SLC29A1: variants seen among roughly 807,000 people sequenced by gnomAD.
SLC29A1 encodes the protein equilibrative nucleoside transporter 1.
Under a neutral mutation model 48.3 loss-of-function variants are expected in SLC29A1, and 22 were observed. That is an observed-to-expected ratio of 0.46 (90% confidence interval 0.33 to 0.65). The LOEUF is 0.65. Ranked by LOEUF, SLC29A1 falls within the 30% of genes least tolerant of loss-of-function variation. The pLI is 0.03. For synonymous variants in SLC29A1, 228 were observed against 231.0 expected, an observed-to-expected ratio of 0.99 and a Z score of 0.12; for missense variants, 491 against 575.3, an observed-to-expected ratio of 0.85 and a Z score of 1.50.
rs1038419540 is a variant in SLC29A1, at chr6:44,229,845, C to A, written c.314+54C>A. The A allele has an allele frequency of 1.4e-5, 23 of 1,609,720 alleles. No individual in the cohort carries two copies. The highest frequency in any genetic ancestry group is 1.9e-5 in the Non-Finnish European group (22 of 1,178,084). ...AGCCTGACCCTCACTGTGTCCTGCA[C>A]CCCCTTGGCTGAGCCCCAGCTTTGC... On this transcript the variant is annotated intron_variant, in intron 4 of 12. Transcript: ENST00000371755. The surrounding 1 kb of genome is among the most constrained non-coding windows in gnomAD (Gnocchi z 5.1).
At chr6:44,224,307 G>A (rs1173826139) in intron 1 of SLC29A1, among the ~76,000 whole-genome samples, 2 of 151,614 alleles carry the variant, frequency 1.3e-5, no homozygotes, top group Non-Finnish European at 2.9e-5. Context: ...ACTCCTCTCG[G>A]TGGCCTCCAG....
In SLC29A1 at chr6:44,232,592, A is replaced by AAT. The variant is rs1235259981; in HGVS notation, c.1059+169_1059+170dup. 2 of 641,726 alleles carry AAT rather than the reference A, an allele frequency of 3.1e-6. No individual in the cohort carries two copies. The highest frequency in any genetic ancestry group is 5.4e-6 in the Non-Finnish European group (2 of 368,140). 39.8% of individuals were successfully genotyped at this position (641,726 alleles called of 1,614,324 possible). The stretch of plus-strand genomic sequence containing the variant: ...CAAGTCTTAAGTGTACAACTTAATG[A>AAT]ATATATGTATATACACATACCTGCC... On this transcript the variant is annotated intron_variant, in intron 11 of 12. Coordinates refer to ENST00000371755, the MANE Select transcript of SLC29A1 (RefSeq NM_001372327.1). The surrounding 1 kb of genome is among the most constrained non-coding windows in gnomAD (Gnocchi z 4.7).
Position 44,230,410 on chromosome 6 carries a change from C to T in SLC29A1, c.518C>T (p.Thr173Met), listed in dbSNP as rs78261243. Residue 173 changes from threonine to methionine, a missense_variant, in exon 6 of 13, where the codon ACG (threonine) becomes ATG (methionine). By Grantham distance (81) the Thr-to-Met change is moderately conservative. Transcript: ENST00000371755. ...GCTGGCCTTCTGCCTGCCAGCTACA[C>T]GGCCCCCATCATGAGTGGCCAGGGC... Reference protein sequence around the residue: ...GLAGLLPASYTAPIMSGQGLA... With the variant: ...GLAGLLPASYMAPIMSGQGLA... The T allele has an allele frequency of 6.9e-5, 111 of 1,614,058 alleles. No individual in the cohort carries two copies. Among genetic ancestry groups the T allele is most frequent in the Non-Finnish European group, 8.1e-5 (96 of 1,179,956 alleles).
At chr6:44,222,508 C>A (rs938578797), upstream of SLC29A1, among the ~76,000 whole-genome samples, 7 of 152,140 alleles carry the variant, frequency 4.6e-5, no homozygotes, top group East Asian at 3.9e-4. Context: ...GGGGACAAGC[C>A]CTTCGGGTCA....
chr6:44,224,391 C>T (rs971057711), intron 1 of SLC29A1, among the ~76,000 whole-genome samples: 2 of 151,896 alleles, frequency 1.3e-5, no homozygotes, highest in African/African-American at 4.8e-5. Flanking sequence ...GCTGAGCTGC[C>T]TGACACTCAA....
Position 44,229,240 on chromosome 6 carries a change from T to C in SLC29A1, c.30-150T>C. ...GTACCCTTTTCTCCCCCCACACCCATAAGAGGACACATGCAAACGGACACA... is the reference window on the plus strand; with the variant it reads ...GTACCCTTTTCTCCCCCCACACCCACAAGAGGACACATGCAAACGGACACA... On this transcript the variant is annotated intron_variant, in intron 2 of 12. Transcript: ENST00000371755. This position sits in a 1 kb window ranked among gnomAD's most constrained non-coding sequence, Gnocchi z 5.1. The C allele has an allele frequency of 4.2e-6, 3 of 708,526 alleles. No individual in the cohort carries two copies. The highest frequency in any genetic ancestry group is 1.6e-5 in the South Asian group (1 of 62,828). The allele number at this position is 708,526 out of a possible 1,614,324, so 43.9% of individuals were successfully genotyped here.
Position 44,223,983 on chromosome 6 carries a change from T to C in SLC29A1, c.-52+342T>C. The C allele has an allele frequency of 1.0e-6, 1 of 978,772 alleles. No individual in the cohort carries two copies. The highest frequency in any genetic ancestry group is 1.1e-4 in the East Asian group (1 of 8,732). The allele number at this position is 978,772 out of a possible 1,614,324, so 60.6% of individuals were successfully genotyped here. Reference sequence around the variant, plus strand: ...CGGTATCAGGGAGGGGCCGTGCCGCTGACTGCGCTGGCGGAGGGGTATGGG... The same window carrying C: ...CGGTATCAGGGAGGGGCCGTGCCGCCGACTGCGCTGGCGGAGGGGTATGGG... On this transcript the variant is annotated intron_variant, in intron 1 of 12. Transcript: ENST00000371755. This position sits in a 1 kb window ranked among gnomAD's most constrained non-coding sequence, Gnocchi z 5.0.
rs1011240660 is a variant in SLC29A1 at position 44,232,050 on chromosome 6, T to A, written c.917T>A (p.Met306Lys). ...TTCATCTTCACTATCACCATTGGGA[T>A]GTTTCCAGCCGTGACTGTTGAGGTC... is the stretch of plus-strand genomic sequence containing the variant. The part of the protein sequence containing the change: ...VCFIFTITIG[M>K]FPAVTVEVKS... Residue 306 changes from methionine (M) to lysine (K), a missense_variant, in exon 10 of 13, where the codon ATG becomes AAG. Coordinates refer to ENST00000371755, the MANE Select transcript of SLC29A1 (RefSeq NM_001372327.1). The surrounding 1 kb of genome is among the most constrained non-coding windows in gnomAD (Gnocchi z 4.7). 2 of 1,614,058 alleles carry A rather than the reference T, an allele frequency of 1.2e-6. No homozygotes were observed. The highest frequency in any genetic ancestry group is 1.7e-6 in the Non-Finnish European group (2 of 1,179,966).
upstream of SLC29A1, among the ~76,000 whole-genome samples, chr6:44,220,326 C>T (rs569176126): frequency 8.0e-5 from 12 of 149,652 alleles, no homozygotes; most frequent in East Asian, 2.0e-4. Flanking sequence ...CACAGGCATG[C>T]GTCAACATGC....
chr6:44,223,641 G>T lies in SLC29A1; in HGVS notation c.-52G>T. On this transcript the variant is annotated splice_region_variant and 5_prime_UTR_variant, in exon 1 of 13. It adds an upstream start codon to the 5' untranslated region. Transcript: ENST00000371755. This position sits in a 1 kb window ranked among gnomAD's most constrained non-coding sequence, Gnocchi z 5.0. ...GCGCGGGAGCAGTGCTTCTGCGGCA[G>T]GTGCTGCCCGGGGCCGGGGACTGGG... The T allele has an allele frequency of 8.3e-7, 1 of 1,206,420 alleles. No homozygotes were observed. The highest frequency in any genetic ancestry group is 3.0e-5 in the Admixed American group (1 of 33,426). The allele number at this position is 1,206,420 out of a possible 1,614,324, so 74.7% of individuals were successfully genotyped here.
At chr6:44,226,908 A>C in intron 1 of SLC29A1, 4 of 1,055,512 alleles carry the variant, frequency 3.8e-6, no homozygotes, top group South Asian at 3.1e-5. Flanking sequence ...GCCTTCTTTG[A>C]CTGTCTTTCC....
chr6:44,226,971 T>G (rs2153284032), intron 1 of SLC29A1: 1 of 1,147,234 alleles, frequency 8.7e-7, no homozygotes, highest in East Asian at 5.3e-5. Flanking sequence ...ACCCTCCTGT[T>G]TCCCAGCTTA....
At chr6:44,225,279 G>A (rs1158368352) in intron 1 of SLC29A1, among the ~76,000 whole-genome samples, 2 of 152,142 alleles carry the variant, frequency 1.3e-5, no homozygotes, top group Non-Finnish European at 2.9e-5. Context: ...GCCAAGGTGG[G>A]TGGGTCACCT....
In SLC29A1 at chr6:44,223,815, C is replaced by T. The variant is rs892610943; in HGVS notation, c.-52+174C>T. On this transcript the variant is annotated intron_variant, in intron 1 of 12. Coordinates refer to ENST00000371755, the MANE Select transcript of SLC29A1 (RefSeq NM_001372327.1). This position sits in a 1 kb window ranked among gnomAD's most constrained non-coding sequence, Gnocchi z 5.0. Reference sequence around the variant, plus strand: ...GGAGCCGCGCAGCACGTGGCGCGCACGGGCCAGGGAGCCTGAGGACCCTGC... The same window carrying T: ...GGAGCCGCGCAGCACGTGGCGCGCATGGGCCAGGGAGCCTGAGGACCCTGC... The T allele has an allele frequency of 7.8e-5, 79 of 1,017,736 alleles. No homozygotes were observed. The highest frequency in any genetic ancestry group is 8.4e-5 in the Non-Finnish European group (71 of 848,778). 63.0% of individuals were successfully genotyped at this position (1,017,736 alleles called of 1,614,324 possible).
intron 1 of SLC29A1, among the ~76,000 whole-genome samples, chr6:44,224,425 C>T (rs1190645268): frequency 6.6e-6 from 1 of 152,006 alleles, no homozygotes; most frequent in Non-Finnish European, 1.5e-5. Context: ...TGATCTTGGT[C>T]TCCACCTCAT....
rs781038578 is a variant in SLC29A1, at chr6:44,233,934, G to T, written c.*406G>T. On this transcript the variant is annotated 3_prime_UTR_variant, in exon 13 of 13. Transcript: ENST00000371755. ...TGGCTAGGAGCTGGGTCTGACCGTTGTATGGTTTGACCTGATATACTCCAT... is the reference window on the plus strand; with the variant it reads ...TGGCTAGGAGCTGGGTCTGACCGTTTTATGGTTTGACCTGATATACTCCAT... 4.5e-6 allele frequency: 1 copy of T among 219,814 alleles called. No homozygotes were observed. Among genetic ancestry groups the T allele is most frequent in the Non-Finnish European group, 9.2e-6 (1 of 108,694 alleles). 13.6% of individuals were successfully genotyped at this position (219,814 alleles called of 1,614,324 possible).
rs1779069453 is a variant in SLC29A1, at chr6:44,232,270, G to A, written c.974-73G>A. On this transcript the variant is annotated intron_variant, in intron 10 of 12. Coordinates refer to ENST00000371755, the MANE Select transcript of SLC29A1 (RefSeq NM_001372327.1). This position sits in a 1 kb window ranked among gnomAD's most constrained non-coding sequence, Gnocchi z 4.7. ...TCCATTTTACTGTTGGGGAAGCTGA[G>A]GCCCAGTGAAGGTTAGGCTTGCTAT... 8.3e-7 allele frequency: 1 copy of A among 1,207,624 alleles called. No individual in the cohort carries two copies. The highest frequency in any genetic ancestry group is 2.3e-5 in the East Asian group (1 of 43,004). The allele number at this position is 1,207,624 out of a possible 1,614,324, so 74.8% of individuals were successfully genotyped here. A position where few individuals can be genotyped will look rare whatever the true frequency, so the allele number is the denominator to read the frequency against.
At chr6:44,231,854 C>T in intron 9 of SLC29A1, 144 bp from the exon 10 acceptor site, 2 of 605,470 alleles carry the variant, frequency 3.3e-6, no homozygotes, top group Non-Finnish European at 6.1e-6. Flanking sequence ...AAACTCCTGA[C>T]CTCAGGTGAT....
At position 44,232,390 on chromosome 6, in the gene SLC29A1, G is replaced by C; in HGVS notation, c.1021G>C (p.Asp341His). The C allele has an allele frequency of 6.2e-7, 1 of 1,613,804 alleles. No homozygotes were observed. The highest frequency in any genetic ancestry group is 1.1e-5 in the South Asian group (1 of 91,034). ...VSCFLTFNIF[D>H]WLGRSLTAVF... Reference sequence around the variant, plus strand: ...CTGTTTCTTGACTTTCAATATCTTTGACTGGTTGGGCCGGAGCCTCACAGC... The same window carrying C: ...CTGTTTCTTGACTTTCAATATCTTTCACTGGTTGGGCCGGAGCCTCACAGC... The change falls in exon 11 of 13, where the codon GAC becomes CAC. Residue 341 changes from aspartate to histidine, a missense_variant. By Grantham distance (81) the Asp-to-His change is moderately conservative. Transcript: ENST00000371755. This position sits in a 1 kb window ranked among gnomAD's most constrained non-coding sequence, Gnocchi z 4.7.
Sources: allele counts gnomAD v4.1 joint callset (sites outside exome capture counted in the v4.1 genomes callset), GRCh38; gene constraint gnomAD v4.1.1; non-coding constraint Gnocchi (gnomAD v3.1); transcripts MANE v1.5; gene names NCBI Gene and HGNC (gene_info 2026-07-23, HGNC 2026-07-21).